Variants in NEDD4L observed in about 807,000 individuals in gnomAD.
NEDD4L encodes the protein NEDD4 like E3 ubiquitin protein ligase.
Under a neutral mutation model 148.9 loss-of-function variants are expected in NEDD4L, and 54 were observed. The ratio of observed to expected loss-of-function variants is 0.36; its 90% CI spans 0.29 to 0.45. The LOEUF (loss-of-function observed/expected upper bound fraction) is 0.45, where lower values mean the gene tolerates loss of function less well. NEDD4L is among the 20% of genes least tolerant of loss of function. The pLI, the probability that NEDD4L is intolerant of heterozygous loss-of-function variation, is 1.00. For synonymous variants in NEDD4L, 433 were observed against 440.7 expected, an observed-to-expected ratio of 0.98 and a Z score of 0.22; for missense variants, 856 against 1,233.8, an observed-to-expected ratio of 0.69 and a Z score of 4.59.
chr18:58,120,369 A>G (rs2086151155), intron 1 of NEDD4L, among the ~76,000 whole-genome samples: 1 of 152,204 alleles, frequency 6.6e-6, no homozygotes, highest in Non-Finnish European at 1.5e-5. Flanking sequence ...CTCTACGATG[A>G]GGTTAATTAC....
chr18:58,258,693 G>C (rs1041879820), intron 5 of NEDD4L, among the ~76,000 whole-genome samples: 1 of 152,110 alleles, frequency 6.6e-6, no homozygotes, highest in African/African-American at 2.4e-5. Flanking sequence ...TCATATGTAT[G>C]TATTTTTGTA....
At chr18:58,083,960 A>G (rs945192237) in intron 1 of NEDD4L, among the ~76,000 whole-genome samples, 2 of 152,064 alleles carry the variant, frequency 1.3e-5, no homozygotes, top group Non-Finnish European at 2.9e-5. Context: ...TGAACTCCTG[A>G]CCTCAGGTGA....
chr18:58,281,884 G>A (rs992896638), intron 5 of NEDD4L, among the ~76,000 whole-genome samples: 2 of 151,802 alleles, frequency 1.3e-5, no homozygotes, highest in Non-Finnish European at 2.9e-5. Context: ...AATTGGCCGG[G>A]CGTGGTGGCA....
chr18:58,193,538 A>G (rs529025227), intron 2 of NEDD4L, among the ~76,000 whole-genome samples: 52 of 152,336 alleles, frequency 3.4e-4, no homozygotes, highest in African/African-American at 1.1e-3. Flanking sequence ...TTTAGAGAGT[A>G]TCCAACTTAC....
At chr18:58,127,494 A>G (rs2031328310) in intron 1 of NEDD4L, among the ~76,000 whole-genome samples, 1 of 149,966 alleles carries the variant, frequency 6.7e-6, no homozygotes, top group African/African-American at 2.4e-5. Context: ...GCTTGAGGCC[A>G]GGAGTTTGGG....
intron 1 of NEDD4L, among the ~76,000 whole-genome samples, chr18:58,103,234 C>T (rs1198680985): frequency 1.4e-5 from 2 of 145,592 alleles, no homozygotes; most frequent in African/African-American, 2.6e-5. Flanking sequence ...ATATATATTA[C>T]ATATACATAT....
chr18:58,355,686 G>A (rs1293011219), intron 18 of NEDD4L, among the ~76,000 whole-genome samples: 1 of 151,924 alleles, frequency 6.6e-6, no homozygotes, highest in East Asian at 1.9e-4. Context: ...AAAGGTAAGG[G>A]ACCCAAAAAT....
chr18:58,394,768 T>G (rs2050269495), intron 30 of NEDD4L, among the ~76,000 whole-genome samples: 1 of 152,218 alleles, frequency 6.6e-6, no homozygotes, highest in Admixed American at 6.5e-5. Flanking sequence ...CGGTATGTGT[T>G]TCTTTTCTGT....
At chr18:58,060,819 C>A (rs188217145) in intron 1 of NEDD4L, among the ~76,000 whole-genome samples, 1 of 152,000 alleles carries the variant, frequency 6.6e-6, no homozygotes, top group Non-Finnish European at 1.5e-5. Flanking sequence ...AGTGCAATGG[C>A]GTGATCTCAG....
intron 9 of NEDD4L, among the ~76,000 whole-genome samples, chr18:58,326,878 C>G (rs757979945): frequency 6.6e-6 from 1 of 152,176 alleles, no homozygotes; most frequent in African/African-American, 2.4e-5. Context: ...ACACTTCATA[C>G]ATTTTAAAAT....
At chr18:58,190,630 G>A (rs1160225129) in intron 2 of NEDD4L, among the ~76,000 whole-genome samples, 1 of 152,162 alleles carries the variant, frequency 6.6e-6, no homozygotes, top group Non-Finnish European at 1.5e-5. Context: ...ATGTATATGT[G>A]TAAGTGTGTC....
chr18:58,337,826 A>G (rs577657374), intron 13 of NEDD4L, among the ~76,000 whole-genome samples: 18 of 152,276 alleles, frequency 1.2e-4, no homozygotes, highest in Admixed American at 1.1e-3. Context: ...CCTGTAGTCT[A>G]ATAAACAGGC....
intron 16 of NEDD4L, 34 bp from the exon 17 acceptor site, chr18:58,349,503 T>G: frequency 2.6e-6 from 4 of 1,558,580 alleles, no homozygotes; most frequent in Non-Finnish European, 3.5e-6. Context: ...ATACTTCCAC[T>G]TAGCATCTAC....
intron 25 of NEDD4L, among the ~76,000 whole-genome samples, chr18:58,383,866 T>G (rs765228506): frequency 4.6e-5 from 7 of 152,248 alleles, no homozygotes; most frequent in Non-Finnish European, 8.8e-5. Flanking sequence ...GTCTAGCTGT[T>G]AAGTGATTCT....
chr18:58,327,112 T>A (rs566975928), intron 9 of NEDD4L, among the ~76,000 whole-genome samples: 1 of 152,190 alleles, frequency 6.6e-6, no homozygotes, highest in Non-Finnish European at 1.5e-5. Context: ...GCAGTTCTTT[T>A]TCTGTTGTTG....
At chr18:58,178,433 C>T (rs967431057) in intron 2 of NEDD4L, among the ~76,000 whole-genome samples, 2 of 134,114 alleles carry the variant, frequency 1.5e-5, no homozygotes, top group Non-Finnish European at 3.1e-5. Flanking sequence ...TTAGAGAAAA[C>T]GCTCTCACTG....
At chr18:58,387,384 ATTT>A in intron 26 of NEDD4L, 52 bp from the exon 27 acceptor site, 3 of 1,260,652 alleles carry the variant, frequency 2.4e-6, no homozygotes, top group South Asian at 3.2e-5. Flanking sequence ...TTCCTGTGAA[ATTT>A]TTTTTTTTTG....
intron 19 of NEDD4L, among the ~76,000 whole-genome samples, chr18:58,364,037 G>A (rs987069700): frequency 1.3e-5 from 2 of 152,178 alleles, no homozygotes; most frequent in Non-Finnish European, 2.9e-5. Context: ...TTCTCAAATA[G>A]CAGTATAGCT....
chr18:58,049,804 C>A (rs2081772333), intron 1 of NEDD4L, among the ~76,000 whole-genome samples: 1 of 151,716 alleles, frequency 6.6e-6, no homozygotes, highest in South Asian at 2.1e-4. Flanking sequence ...TGGTGAAACC[C>A]CGTCTCTACA....
Sources: allele counts gnomAD v4.1 joint callset (sites outside exome capture counted in the v4.1 genomes callset), GRCh38; gene constraint gnomAD v4.1.1; transcripts MANE v1.5; gene names NCBI Gene and HGNC (gene_info 2026-07-23, HGNC 2026-07-21).